The following NUP210L variants were observed in gnomAD, a reference collection of about 807,000 sequenced individuals.
NUP210L encodes the protein nuclear pore membrane glycoprotein 210-like.
In NUP210L, 74 loss-of-function variants were observed where a neutral mutation model predicts 208.5. The ratio of observed to expected loss-of-function variants is 0.35; its 90% CI spans 0.29 to 0.43. The LOEUF (loss-of-function observed/expected upper bound fraction) is 0.43. NUP210L is among the 20% of genes least tolerant of loss of function. NUP210L has a pLI of 1.00. For missense variants in NUP210L, 1,843 were observed against 2,289.4 expected (o/e 0.81, Z 3.98); for synonymous variants, 780 against 816.9 (o/e 0.95, Z 0.77).
chr1:154,055,165 TTC>T (rs1352549621), intron 23 of NUP210L, among the ~76,000 whole-genome samples: 7 of 124,034 alleles, frequency 5.6e-5, no homozygotes, highest in Admixed American at 4.6e-4. Flanking sequence ...CTTTCTTTCT[TTC>T]TTTCTTTCTT....
chr1:154,147,485 G>A (rs61806852), intron 2 of NUP210L, among the ~76,000 whole-genome samples: 45 of 149,626 alleles, frequency 3.0e-4, no homozygotes, highest in African/African-American at 7.6e-4. Context: ...TTACAGGCAC[G>A]TACCATCATG....
At chr1:154,145,025 T>C (rs1659047868) in intron 2 of NUP210L, among the ~76,000 whole-genome samples, 1 of 151,676 alleles carries the variant, frequency 6.6e-6, no homozygotes, top group Admixed American at 6.6e-5. Context: ...AACGAATTGC[T>C]TGAACCCAGG....
chr1:154,134,800 A>C (rs1366259554), intron 7 of NUP210L, among the ~76,000 whole-genome samples: 2 of 142,724 alleles, frequency 1.4e-5, no homozygotes, highest in Non-Finnish European at 3.1e-5. Context: ...CAGTGGTGCG[A>C]TCTTGGCTCA....
chr1:154,068,170 C>T (rs1043129243), intron 17 of NUP210L, among the ~76,000 whole-genome samples: 11 of 152,164 alleles, frequency 7.2e-5, no homozygotes, highest in African/African-American at 2.7e-4. Flanking sequence ...ATCACACTAC[C>T]TGACTTCCAA....
At chr1:154,136,059 G>T in intron 6 of NUP210L, 87 bp from the exon 7 acceptor site, 1 of 900,428 alleles carries the variant, frequency 1.1e-6, no homozygotes. Context: ...GGAATGATCA[G>T]GAAGCAGACA....
chr1:154,081,455 A>G (rs572243914), intron 16 of NUP210L, among the ~76,000 whole-genome samples: 2 of 152,300 alleles, frequency 1.3e-5, no homozygotes, highest in East Asian at 3.9e-4. Context: ...TCTGTTATTT[A>G]TGGTGGCCCC....
chr1:154,051,435 C>T (rs990247563), intron 25 of NUP210L, among the ~76,000 whole-genome samples: 4 of 152,028 alleles, frequency 2.6e-5, no homozygotes, highest in South Asian at 2.1e-4. Context: ...ATGATGGTCT[C>T]GATCTCCTGA....
At chr1:154,143,529 C>T (rs762536076) in exon 3 of NUP210L, 12 of 1,613,710 alleles carry the variant, frequency 7.4e-6, no homozygotes, top group Middle Eastern at 1.6e-4. Flanking sequence ...AATTTCAATG[C>T]TGTTTATCAC....
intron 25 of NUP210L, among the ~76,000 whole-genome samples, chr1:154,046,780 A>G (rs561186718): frequency 6.6e-6 from 1 of 152,282 alleles, no homozygotes; most frequent in South Asian, 2.1e-4. Context: ...GAATAGAATG[A>G]TGGGCTGTGC....
At chr1:154,058,031 T>A in intron 22 of NUP210L, 58 bp downstream of exon 22, 2 of 1,587,112 alleles carry the variant, frequency 1.3e-6, no homozygotes, top group Non-Finnish European at 1.7e-6. Flanking sequence ...ACCAGGTCAC[T>A]AGGAGGGAGA....
intron 2 of NUP210L, among the ~76,000 whole-genome samples, chr1:154,145,170 C>A (rs1466128635): frequency 6.6e-6 from 1 of 151,232 alleles, no homozygotes; most frequent in Non-Finnish European, 1.5e-5. Flanking sequence ...GTAATCCCAG[C>A]ACTTTGGGAG....
At chr1:154,053,611 A>G (rs12726480) in intron 25 of NUP210L, among the ~76,000 whole-genome samples, 19,473 of 152,282 alleles carry the variant, frequency 0.13, 1,754 homozygotes, top group East Asian at 0.47. Flanking sequence ...TTCCTAAGCC[A>G]CAAACAATAG....
intron 16 of NUP210L, among the ~76,000 whole-genome samples, chr1:154,077,531 T>C (rs571069883): frequency 1.1e-4 from 16 of 152,036 alleles, no homozygotes; most frequent in African/African-American, 3.6e-4. Context: ...TTACAAGAAA[T>C]ACTAAAGGGA....
chr1:154,099,150 G>A (rs1656328394), intron 14 of NUP210L, among the ~76,000 whole-genome samples: 1 of 152,100 alleles, frequency 6.6e-6, no homozygotes, highest in Non-Finnish European at 1.5e-5. Flanking sequence ...GTTCCCAAGA[G>A]TACAAGGATG....
At chr1:154,135,219 GT>G (rs754317428) in intron 7 of NUP210L, among the ~76,000 whole-genome samples, 1 of 152,112 alleles carries the variant, frequency 6.6e-6, no homozygotes, top group Non-Finnish European at 1.5e-5. Flanking sequence ...TCCAAACTCC[GT>G]TTTCCCCATT....
At chr1:154,133,355 T>C (rs754464919) in intron 7 of NUP210L, among the ~76,000 whole-genome samples, 1 of 151,226 alleles carries the variant, frequency 6.6e-6, no homozygotes, top group Non-Finnish European at 1.5e-5. Flanking sequence ...CAGTAGTTCA[T>C]CCAGCCTACT....
Position 153,994,884 on chromosome 1 carries a change from C to T in NUP210L, c.5491+192G>A, listed in dbSNP as rs148873495. On this transcript the variant is annotated intron_variant, in intron 38 of 39. Transcript: ENST00000368559. ...AAAATTAGTCGGGAGCAGTGGCCGG[C>T]GCCTGTAATCCCAGCTACTCGGGAG... 7.5e-3 allele frequency among the ~76,000 whole-genome samples: 1,138 copies of T among 151,682 alleles called. 13 individuals carry two copies. The highest frequency in any genetic ancestry group is 0.026 in the African/African-American group (1,096 of 41,388).
At chr1:154,095,199 T>C in intron 14 of NUP210L, 43 bp from the exon 15 acceptor site, 2 of 1,415,182 alleles carry the variant, frequency 1.4e-6, no homozygotes, top group Non-Finnish European at 2.0e-6. Context: ...GGTTAGGGAA[T>C]TCAATAATTT....
In NUP210L at chr1:153,995,064, T is replaced by C; in HGVS notation, c.5491+12A>G. The C allele has an allele frequency of 6.6e-7, 1 of 1,514,374 alleles. No individual in the cohort carries two copies. Among genetic ancestry groups the C allele is most frequent in the Non-Finnish European group, 9.1e-7 (1 of 1,100,056 alleles). The allele number at this position is 1,514,374 out of a possible 1,614,324, so 93.8% of individuals were successfully genotyped here. On this transcript the variant is annotated intron_variant, in intron 38 of 39. Coordinates refer to ENST00000368559, the Ensembl canonical transcript of NUP210L. ...ATGTCAAAGTCTATGTTATTGAATATAAGGACTCTACCTAGGAAGATGGAA... is the reference window on the plus strand; with the variant it reads ...ATGTCAAAGTCTATGTTATTGAATACAAGGACTCTACCTAGGAAGATGGAA...
Sources: gnomAD v4.1 joint callset for allele counts (sites outside exome capture counted in the v4.1 genomes callset) on GRCh38, gnomAD v4.1.1 for gene constraint, MANE v1.5 for transcripts, NCBI Gene and HGNC (gene_info 2026-07-23, HGNC 2026-07-21) for gene names.